Variants in EHBP1 observed in about 807,000 individuals in gnomAD.
EHBP1 encodes the protein EH domain-binding protein 1.
EHBP1 carries 55 observed loss-of-function variants against 144.0 expected under a neutral mutation model. The observed-to-expected ratio is 0.38, with a 90% CI of 0.31 to 0.48. The LOEUF (loss-of-function observed/expected upper bound fraction) is 0.48, where lower values mean the gene tolerates loss of function less well. Ranked by LOEUF, EHBP1 falls within the 20% of genes least tolerant of loss-of-function variation. EHBP1 has a pLI of 0.98. For synonymous variants in EHBP1, 469 were observed against 472.7 expected, an observed-to-expected ratio of 0.99 and a Z score of 0.10; for missense variants, 1,200 against 1,364.2, an observed-to-expected ratio of 0.88 and a Z score of 1.90.
chr2:62,791,713 T>A (rs1461013451), intron 5 of EHBP1, among the ~76,000 whole-genome samples: 1 of 151,996 alleles, frequency 6.6e-6, no homozygotes, highest in African/African-American at 2.4e-5. Flanking sequence ...TTTAAATACC[T>A]GTAAGAGGCT....
At chr2:62,953,911 C>T (rs978019093) in intron 13 of EHBP1, among the ~76,000 whole-genome samples, 11 of 152,144 alleles carry the variant, frequency 7.2e-5, no homozygotes, top group Non-Finnish European at 1.5e-4. Context: ...TATAAAATCA[C>T]AGAATTTAGA....
chr2:62,891,801 A>T (rs2052481317), intron 10 of EHBP1, among the ~76,000 whole-genome samples: 1 of 150,592 alleles, frequency 6.6e-6, no homozygotes, highest in Admixed American at 6.6e-5. Context: ...GAAACTTTTA[A>T]TTTTTTTTTT....
intron 5 of EHBP1, among the ~76,000 whole-genome samples, chr2:62,810,641 C>A (rs1021192527): frequency 1.3e-5 from 2 of 152,160 alleles, no homozygotes; most frequent in Admixed American, 6.5e-5. Flanking sequence ...ATAGGTCTGT[C>A]TAGTCCTGAA....
At chr2:62,732,174 T>C (rs188771219) in intron 2 of EHBP1, among the ~76,000 whole-genome samples, 69 of 152,314 alleles carry the variant, frequency 4.5e-4, no homozygotes, top group Non-Finnish European at 7.8e-4. Flanking sequence ...TGTGTTTGAT[T>C]TTCTGTAGTG....
At chr2:62,983,200 T>C (rs905025910) in intron 15 of EHBP1, among the ~76,000 whole-genome samples, 3 of 152,210 alleles carry the variant, frequency 2.0e-5, no homozygotes, top group African/African-American at 7.2e-5. Flanking sequence ...TATGAATCTT[T>C]CCTGACAAGG....
intron 1 of EHBP1, among the ~76,000 whole-genome samples, chr2:62,677,372 G>A (rs1431325457): frequency 6.6e-6 from 1 of 151,918 alleles, no homozygotes; most frequent in African/African-American, 2.4e-5. Flanking sequence ...GTTTTTGTGG[G>A]TATACAACAG....
intron 19 of EHBP1, among the ~76,000 whole-genome samples, chr2:63,003,706 A>C (rs1357816611): frequency 6.6e-6 from 1 of 152,100 alleles, no homozygotes; most frequent in East Asian, 1.9e-4. Flanking sequence ...GATGATGCTC[A>C]TGGTTATGAA....
intron 10 of EHBP1, among the ~76,000 whole-genome samples, chr2:62,902,818 C>A (rs911395705): frequency 6.6e-6 from 1 of 152,122 alleles, no homozygotes; most frequent in Admixed American, 6.5e-5. Flanking sequence ...CACTTTACTT[C>A]ATTATATTTT....
intron 1 of EHBP1, among the ~76,000 whole-genome samples, chr2:62,693,100 A>G (rs2033963963): frequency 6.6e-6 from 1 of 152,154 alleles, no homozygotes; most frequent in African/African-American, 2.4e-5. Context: ...TAGATAAGTG[A>G]AAACATGTGC....
intron 2 of EHBP1, among the ~76,000 whole-genome samples, chr2:62,737,921 G>A (rs1161139558): frequency 6.6e-6 from 1 of 152,056 alleles, no homozygotes; most frequent in Non-Finnish European, 1.5e-5. Flanking sequence ...ATGCCATCAT[G>A]TCCGGCTAAT....
chr2:62,695,601 A>G lies in EHBP1; in HGVS notation c.-295-11296A>G, dbSNP rs868808772. The stretch of plus-strand genomic sequence containing the variant: ...TCAATTGGATATGATTTATAATCAG[A>G]AACTATAGATGGAAAGCTTTTAGAT... On this transcript the variant is annotated intron_variant, in intron 1 of 22. Coordinates refer to the EHBP1 transcript ENST00000405015. Among the ~76,000 whole-genome samples the G allele has an allele frequency of 2.6e-5, 4 of 152,242 alleles. No homozygotes were observed. The South Asian group carries it at 8.3e-4, about 31-fold the overall frequency.
chr2:62,723,612 G>A (rs1200295286), intron 2 of EHBP1, among the ~76,000 whole-genome samples: 1 of 152,198 alleles, frequency 6.6e-6, no homozygotes, highest in Non-Finnish European at 1.5e-5. Flanking sequence ...GTAGTGGCTG[G>A]AAACAGTCTT....
At chr2:62,698,557 T>G (rs937924005) in intron 1 of EHBP1, among the ~76,000 whole-genome samples, 3 of 152,280 alleles carry the variant, frequency 2.0e-5, no homozygotes, top group African/African-American at 7.2e-5. Context: ...ACACTTGAAT[T>G]TCTTTTCTTG....
intron 2 of EHBP1, among the ~76,000 whole-genome samples, chr2:62,718,153 A>G (rs2035869358): frequency 6.6e-6 from 1 of 152,244 alleles, no homozygotes. Context: ...TATGTTGACC[A>G]TTCATGAAGA....
intron 2 of EHBP1, among the ~76,000 whole-genome samples, chr2:62,725,539 C>T (rs545972139): frequency 6.6e-5 from 10 of 152,320 alleles, no homozygotes; most frequent in African/African-American, 2.2e-4. Context: ...GGTGGTTACT[C>T]AGGGCAGCAG....
intron 3 of EHBP1, among the ~76,000 whole-genome samples, chr2:62,763,897 A>C (rs1339347930): frequency 1.3e-5 from 2 of 152,164 alleles, no homozygotes; most frequent in Non-Finnish European, 2.9e-5. Flanking sequence ...AGTCCACAAA[A>C]ATAATTTTTA....
At chr2:62,764,467 C>A in intron 4 of EHBP1, 106 bp downstream of exon 4, 1 of 729,724 alleles carries the variant, frequency 1.4e-6, no homozygotes, top group Non-Finnish European at 2.1e-6. Context: ...CAGTCTGGTA[C>A]CTACTGTGCA....
rs140341136 is a variant in EHBP1 at position 62,861,419 on chromosome 2, C to T, written c.757+2128C>T. On this transcript the variant is annotated intron_variant, in intron 8 of 22. Transcript: ENST00000431489. ...CTGGGATTACAGGCGTGAGCCACCG[C>T]GCCCAGCCCTTGAGTGGCTTTTTTA... is the stretch of plus-strand genomic sequence containing the variant. Among the ~76,000 whole-genome samples the T allele has an allele frequency of 5.9e-3, 885 of 150,606 alleles. 4 individuals are homozygous for T. Among genetic ancestry groups the T allele is most frequent in the Non-Finnish European group, 9.6e-3 (649 of 67,462 alleles).
chr2:63,023,056 C>G (rs2060825026), intron 19 of EHBP1, among the ~76,000 whole-genome samples: 2 of 152,088 alleles, frequency 1.3e-5, no homozygotes, highest in Non-Finnish European at 2.9e-5. Context: ...CACCTGTAAT[C>G]CTAGCCACAG....
Sources: gnomAD v4.1 joint callset for allele counts (sites outside exome capture counted in the v4.1 genomes callset) on GRCh38, gnomAD v4.1.1 for gene constraint, MANE v1.5 for transcripts, NCBI Gene and HGNC (gene_info 2026-07-23, HGNC 2026-07-21) for gene names.